Variants in LRRTM4 observed in about 807,000 individuals in gnomAD.
The protein encoded by LRRTM4 is leucine-rich repeat transmembrane neuronal protein 4.
In LRRTM4, 25 loss-of-function variants were observed where a neutral mutation model predicts 47.6. The ratio of observed to expected loss-of-function variants is 0.53; its 90% CI spans 0.38 to 0.73. The LOEUF (loss-of-function observed/expected upper bound fraction) is 0.73. Among genes scored for constraint, LRRTM4 ranks in the 30% least tolerant of loss-of-function variants. The pLI is 0.00. For synonymous variants in LRRTM4, 311 were observed against 269.5 expected, an observed-to-expected ratio of 1.15 and a Z score of -1.51; for missense variants, 638 against 713.4, an observed-to-expected ratio of 0.89 and a Z score of 1.20.
chr2:77,101,347 T>A (rs1441619148), intron 3 of LRRTM4, among the ~76,000 whole-genome samples: 1 of 152,162 alleles, frequency 6.6e-6, no homozygotes. Context: ...CAGAAGTCCT[T>A]CTTATATGAA....
chr2:77,114,480 G>C (rs760376220), intron 3 of LRRTM4, among the ~76,000 whole-genome samples: 36 of 152,278 alleles, frequency 2.4e-4, no homozygotes, highest in Non-Finnish European at 3.4e-4. Flanking sequence ...TCAGGGAGTA[G>C]AACAATCATT....
intron 3 of LRRTM4, among the ~76,000 whole-genome samples, chr2:77,510,870 T>G (rs2104102870): frequency 6.6e-6 from 1 of 152,144 alleles, no homozygotes. Flanking sequence ...GACATTATAG[T>G]TACTCTACGT....
At chr2:76,909,139 A>C (rs1210077569) in intron 3 of LRRTM4, among the ~76,000 whole-genome samples, 1 of 152,206 alleles carries the variant, frequency 6.6e-6, no homozygotes, top group Non-Finnish European at 1.5e-5. Context: ...CTGGCACCAA[A>C]ACAGAGATAT....
At chr2:76,876,970 A>G (rs1014983975) in intron 3 of LRRTM4, among the ~76,000 whole-genome samples, 2 of 152,102 alleles carry the variant, frequency 1.3e-5, no homozygotes, top group African/African-American at 4.8e-5. Flanking sequence ...ATTTTAAAAT[A>G]TTAGTGATAC....
At chr2:77,227,815 G>T (rs1674855150) in intron 3 of LRRTM4, among the ~76,000 whole-genome samples, 1 of 152,072 alleles carries the variant, frequency 6.6e-6, no homozygotes, top group Non-Finnish European at 1.5e-5. Context: ...AACCAGGATT[G>T]TTTTAATAAA....
chr2:77,081,477 ATATT>A (rs1465654729), intron 3 of LRRTM4, among the ~76,000 whole-genome samples: 2 of 152,094 alleles, frequency 1.3e-5, no homozygotes, highest in African/African-American at 2.4e-5. Context: ...ACTGATATAT[ATATT>A]TAAATAAATG....
intron 3 of LRRTM4, among the ~76,000 whole-genome samples, chr2:77,017,455 C>G (rs1396778024): frequency 6.6e-6 from 1 of 152,136 alleles, no homozygotes; most frequent in Non-Finnish European, 1.5e-5. Context: ...AAGAATCTTT[C>G]CTGCCTCAGA....
intron 3 of LRRTM4, among the ~76,000 whole-genome samples, chr2:77,277,365 TATC>T (rs1489238139): frequency 3.9e-5 from 6 of 152,090 alleles, no homozygotes; most frequent in African/African-American, 1.4e-4. Flanking sequence ...GCTAATTGCA[TATC>T]ATTTCACAGA....
chr2:77,336,591 C>T (rs532074272), intron 3 of LRRTM4, among the ~76,000 whole-genome samples: 5 of 151,902 alleles, frequency 3.3e-5, no homozygotes, highest in Admixed American at 6.6e-5. Context: ...TGTGAGTCAC[C>T]GTATAGAATT....
chr2:76,763,465 ACAAC>A (rs1673336941), intron 3 of LRRTM4, among the ~76,000 whole-genome samples: 1 of 152,246 alleles, frequency 6.6e-6, no homozygotes, highest in African/African-American at 2.4e-5. Context: ...GTGGTCACCC[ACAAC>A]CTAAGAGAAG....
chr2:77,053,563 C>T (rs1358061844), intron 3 of LRRTM4, among the ~76,000 whole-genome samples: 1 of 152,028 alleles, frequency 6.6e-6, no homozygotes, highest in Non-Finnish European at 1.5e-5. Flanking sequence ...AAAATGATTG[C>T]TTACAGCTGA....
At chr2:77,150,555 T>G (rs1672390423) in intron 3 of LRRTM4, among the ~76,000 whole-genome samples, 1 of 152,186 alleles carries the variant, frequency 6.6e-6, no homozygotes, top group South Asian at 2.1e-4. Flanking sequence ...ACTATGCCTA[T>G]TATCAGTTGA....
chr2:77,175,966 CTTT>C (rs759715146), intron 3 of LRRTM4, among the ~76,000 whole-genome samples: 2 of 138,108 alleles, frequency 1.4e-5, no homozygotes, highest in African/African-American at 5.3e-5. Context: ...CTACTCCCGT[CTTT>C]TTTTTTTTTT....
At chr2:77,183,169 T>G (rs1316985898) in intron 3 of LRRTM4, among the ~76,000 whole-genome samples, 1 of 151,996 alleles carries the variant, frequency 6.6e-6, no homozygotes, top group Non-Finnish European at 1.5e-5. Flanking sequence ...GGGAGAAAAT[T>G]TTTGCAATCT....
At chr2:77,172,292 A>G (rs1199121116) in intron 3 of LRRTM4, among the ~76,000 whole-genome samples, 3 of 152,034 alleles carry the variant, frequency 2.0e-5, no homozygotes, top group African/African-American at 7.2e-5. Flanking sequence ...ATATGCTACT[A>G]TATTCATTTA....
At chr2:77,140,570 G>A (rs1472482627) in intron 3 of LRRTM4, among the ~76,000 whole-genome samples, 1 of 125,350 alleles carries the variant, frequency 8.0e-6, no homozygotes, top group Non-Finnish European at 1.7e-5. Flanking sequence ...CATGGGCAAG[G>A]ACTTCATGAC....
At chr2:77,509,809 C>G (rs1032533096) in intron 3 of LRRTM4, among the ~76,000 whole-genome samples, 5 of 152,148 alleles carry the variant, frequency 3.3e-5, no homozygotes, top group African/African-American at 1.2e-4. Context: ...ACAGAAAGGT[C>G]AGATATATAT....
At chr2:77,214,622 T>C (rs1032535777) in intron 3 of LRRTM4, among the ~76,000 whole-genome samples, 1 of 152,172 alleles carries the variant, frequency 6.6e-6, no homozygotes, top group African/African-American at 2.4e-5. Context: ...TTACATATAA[T>C]GCTTGTATTA....
intron 3 of LRRTM4, among the ~76,000 whole-genome samples, chr2:77,331,300 G>A (rs17014001): frequency 0.015 from 2,232 of 152,192 alleles, 60 homozygotes; most frequent in African/African-American, 0.051. Flanking sequence ...ACCAGACAAA[G>A]TGACATAAAA....
Sources: allele counts gnomAD v4.1 joint callset (sites outside exome capture counted in the v4.1 genomes callset), GRCh38; gene constraint gnomAD v4.1.1; transcripts MANE v1.5; gene names NCBI Gene and HGNC (gene_info 2026-07-23, HGNC 2026-07-21).